Variants in SGCE observed in about 807,000 individuals in gnomAD.
SGCE encodes epsilon-sarcoglycan.
Under a neutral mutation model 57.8 loss-of-function variants are expected in SGCE, and 26 were observed. The observed-to-expected ratio is 0.45, with a 90% CI of 0.33 to 0.62. SGCE has a LOEUF of 0.62. Ranked by LOEUF, SGCE falls within the 20% of genes least tolerant of loss-of-function variation. SGCE has a pLI of 0.02. For synonymous variants in SGCE, 183 were observed against 189.5 expected (o/e 0.97, Z 0.28); for missense variants, 468 against 548.6 (o/e 0.85, Z 1.47).
chr7:94,609,524 T>A (rs553998622), intron 5 of SGCE, among the ~76,000 whole-genome samples: 4 of 152,142 alleles, frequency 2.6e-5, no homozygotes, highest in African/African-American at 9.7e-5. Flanking sequence ...ACAGTAAGAC[T>A]CTGTCTAAAA....
intron 5 of SGCE, among the ~76,000 whole-genome samples, chr7:94,610,331 G>T (rs954945365): frequency 2.0e-5 from 3 of 152,130 alleles, no homozygotes; most frequent in Admixed American, 2.0e-4. Context: ...ACCGCCAAGA[G>T]TAACACCTAA....
intron 2 of SGCE, chr7:94,628,982 T>C (rs1010115917): frequency 6.5e-6 from 1 of 152,826 alleles, no homozygotes. Context: ...TGGCTAACTA[T>C]ATTGTGGAAG....
At chr7:94,586,059 A>G (rs1796842617) in intron 10 of SGCE, among the ~76,000 whole-genome samples, 1 of 119,386 alleles carries the variant, frequency 8.4e-6, no homozygotes, top group Non-Finnish European at 1.8e-5. Context: ...AAGGAACTAA[A>G]TGAAAAAAAA....
At chr7:94,646,543 C>T (rs1260081786) in intron 1 of SGCE, among the ~76,000 whole-genome samples, 1 of 152,166 alleles carries the variant, frequency 6.6e-6, no homozygotes. Context: ...TGCACCATTA[C>T]AATTTAATGT....
intron 1 of SGCE, among the ~76,000 whole-genome samples, chr7:94,644,188 C>G (rs1562893600): frequency 6.6e-6 from 1 of 152,226 alleles, no homozygotes; most frequent in African/African-American, 2.4e-5. Flanking sequence ...TATCACTGTA[C>G]ATAATTTAAT....
chr7:94,596,561 C>T (rs1015285643), intron 9 of SGCE, among the ~76,000 whole-genome samples: 6 of 152,050 alleles, frequency 3.9e-5, no homozygotes, highest in East Asian at 1.9e-4. Flanking sequence ...AGTGTATCAA[C>T]ACACTAAGGG....
intron 5 of SGCE, chr7:94,618,543 A>G (rs902235875): frequency 1.9e-5 from 10 of 537,606 alleles, no homozygotes; most frequent in African/African-American, 5.7e-5. Context: ...CTCATCTACA[A>G]TTAGATTTCA....
intron 6 of SGCE, 66 bp from the exon 7 acceptor site, chr7:94,600,923 T>A: frequency 7.8e-7 from 1 of 1,280,332 alleles, no homozygotes; most frequent in Non-Finnish European, 1.1e-6. Context: ...TTTTAAGATC[T>A]GGATACACTA....
intron 10 of SGCE, chr7:94,587,072 A>G: frequency 7.1e-6 from 7 of 984,942 alleles, no homozygotes; most frequent in Non-Finnish European, 8.4e-6. Flanking sequence ...CAAGCAAAAT[A>G]CCTGCTCCCT....
chr7:94,592,517 C>T (rs1211758648), intron 9 of SGCE, among the ~76,000 whole-genome samples: 1 of 152,112 alleles, frequency 6.6e-6, no homozygotes, highest in African/African-American at 2.4e-5. Context: ...TTTAAGAAAA[C>T]TGTAACTAAA....
intron 5 of SGCE, among the ~76,000 whole-genome samples, chr7:94,615,495 G>A (rs1801792843): frequency 6.6e-6 from 1 of 152,122 alleles, no homozygotes; most frequent in Non-Finnish European, 1.5e-5. Context: ...CCAGGATCAT[G>A]ACTTTCCATC....
chr7:94,586,921 TAAAAC>T (rs1329500214), intron 10 of SGCE: 22 of 983,882 alleles, frequency 2.2e-5, no homozygotes, highest in Non-Finnish European at 2.5e-5. Flanking sequence ...ACTCACTAAA[TAAAAC>T]AATAACAACA....
chr7:94,638,467 G>T lies in SGCE; in HGVS notation c.110-8626C>A, dbSNP rs534521157. Among the ~76,000 whole-genome samples, 7 of 152,086 alleles carry T rather than the reference G, an allele frequency of 4.6e-5. No individual in the cohort carries two copies. The East Asian group carries it at 1.4e-3, about 29-fold the overall frequency. The stretch of plus-strand genomic sequence containing the variant: ...AATCAATCCTACAAGTACCCAGCAG[G>T]TTTCATCTGGCATTATCATCTTATC... On this transcript the variant is annotated intron_variant, in intron 1 of 10. Coordinates refer to ENST00000648936, the MANE Select transcript of SGCE (RefSeq NM_003919.3).
At chr7:94,593,737 G>T (rs979570724) in intron 9 of SGCE, among the ~76,000 whole-genome samples, 23 of 152,006 alleles carry the variant, frequency 1.5e-4, no homozygotes, top group African/African-American at 5.6e-4. Context: ...CAACCTCCTA[G>T]ACAATGTGCA....
intron 1 of SGCE, among the ~76,000 whole-genome samples, chr7:94,631,216 G>C (rs1487977804): frequency 6.6e-6 from 1 of 151,806 alleles, no homozygotes; most frequent in Non-Finnish European, 1.5e-5. Flanking sequence ...CAAGAACAAT[G>C]TACTTACCAG....
At chr7:94,592,501 T>C (rs1277141704) in intron 9 of SGCE, among the ~76,000 whole-genome samples, 2 of 152,202 alleles carry the variant, frequency 1.3e-5, no homozygotes, top group Non-Finnish European at 2.9e-5. Context: ...CTGCATTATG[T>C]AGAAATTTAA....
chr7:94,645,791 G>C lies in SGCE; in HGVS notation c.109+10199C>G, dbSNP rs11980118. Among the ~76,000 whole-genome samples the C allele has an allele frequency of 3.7e-3, 558 of 152,050 alleles. 5 individuals are homozygous for C. Among genetic ancestry groups the C allele is most frequent in the African/African-American group, 0.013 (544 of 41,480 alleles). ...TTTAGAAGAATGCCTAGCATATAAT[G>C]ATGTCCCCCAAAAATGAAAACTATT... On this transcript the variant is annotated intron_variant, in intron 1 of 10. Coordinates refer to ENST00000648936, the MANE Select transcript of SGCE (RefSeq NM_003919.3).
In SGCE at chr7:94,653,762, G is replaced by A. The variant is rs138854064; in HGVS notation, c.109+2228C>T. ...CAAAGTGAAAATATTTTCATATGTA[G>A]AGGAATAAAAAACTACAATATGTTA... On this transcript the variant is annotated intron_variant, in intron 1 of 10. Coordinates refer to ENST00000648936, the MANE Select transcript of SGCE (RefSeq NM_003919.3). Among the ~76,000 whole-genome samples the A allele has an allele frequency of 8.9e-3, 1,345 of 151,910 alleles. 76 individuals are homozygous for A. The highest frequency in any genetic ancestry group is 0.081 in the Admixed American group (1,236 of 15,274).
chr7:94,646,001 A>G (rs1355283319), intron 1 of SGCE, among the ~76,000 whole-genome samples: 1 of 152,178 alleles, frequency 6.6e-6, no homozygotes, highest in Non-Finnish European at 1.5e-5. Context: ...CTATAGAAAT[A>G]TATAGTAGAG....
Sources: allele counts gnomAD v4.1 joint callset (sites outside exome capture counted in the v4.1 genomes callset), GRCh38; gene constraint gnomAD v4.1.1; transcripts MANE v1.5; gene names NCBI Gene and HGNC (gene_info 2026-07-23, HGNC 2026-07-21).